LRRC4C: variants seen among roughly 807,000 people sequenced by gnomAD.
LRRC4C encodes the protein leucine rich repeat containing 4C, also known as leucine-rich repeat-containing protein 4C.
A neutral mutation model predicts 33.6 loss-of-function variants in LRRC4C; 5 were observed. That is an observed-to-expected ratio of 0.15 (90% CI 0.08 to 0.31). The LOEUF is 0.31. LRRC4C is among the 10% of genes least tolerant of loss of function. The pLI is 1.00. For synonymous variants in LRRC4C, 329 were observed against 302.0 expected (o/e 1.09, Z -0.93); for missense variants, 560 against 796.7 (o/e 0.70, Z 3.58).
At chr11:41,248,870 C>T (rs1480733504) in intron 1 of LRRC4C, among the ~76,000 whole-genome samples, 1 of 152,166 alleles carries the variant, frequency 6.6e-6, no homozygotes, top group African/African-American at 2.4e-5. Context: ...AATTAACTGG[C>T]AATTCCATCC....
chr11:40,458,594 T>C (rs2138159975), intron 3 of LRRC4C, among the ~76,000 whole-genome samples: 1 of 152,320 alleles, frequency 6.6e-6, no homozygotes, highest in Middle Eastern at 3.4e-3. Flanking sequence ...TCCTAAGTCT[T>C]TGGTTTTCCC....
At chr11:41,012,583 TC>T (rs1855286251) in intron 1 of LRRC4C, among the ~76,000 whole-genome samples, 1 of 152,178 alleles carries the variant, frequency 6.6e-6, no homozygotes, top group Admixed American at 6.5e-5. Flanking sequence ...ATATTTCCTT[TC>T]TTTTGAATAT....
At chr11:40,785,514 C>G (rs1474191820) in intron 2 of LRRC4C, among the ~76,000 whole-genome samples, 1 of 152,070 alleles carries the variant, frequency 6.6e-6, no homozygotes, top group Non-Finnish European at 1.5e-5. Flanking sequence ...CCCATTTCCT[C>G]TTTTTATAAT....
chr11:40,462,003 T>C (rs564070841), intron 3 of LRRC4C, among the ~76,000 whole-genome samples: 45 of 151,988 alleles, frequency 3.0e-4, no homozygotes, highest in Admixed American at 2.5e-3. Flanking sequence ...GTCCATTTGT[T>C]AGAGTGGATA....
chr11:40,166,423 C>T (rs1449795509), intron 5 of LRRC4C, among the ~76,000 whole-genome samples: 1 of 152,090 alleles, frequency 6.6e-6, no homozygotes, highest in Non-Finnish European at 1.5e-5. Flanking sequence ...TCTTTGATGT[C>T]AGGATAGTAG....
At chr11:40,514,391 C>G (rs1955474401) in intron 3 of LRRC4C, among the ~76,000 whole-genome samples, 1 of 152,108 alleles carries the variant, frequency 6.6e-6, no homozygotes, top group Non-Finnish European at 1.5e-5. Flanking sequence ...TTTATTAGCT[C>G]TATGGCCTTG....
Position 40,606,842 on chromosome 11 carries a change from C to T in LRRC4C, c.-270+41300G>A, listed in dbSNP as rs1029989063. 2.0e-5 allele frequency among the ~76,000 whole-genome samples: 3 copies of T among 151,916 alleles called. No homozygotes were observed. In the South Asian group the frequency reaches 6.2e-4, roughly 32 times the overall value. ...CAAAGATGAGAAAGAAAATAAACAT[C>T]CAGATTCATAAAGTGCAATAGATTC... On this transcript the variant is annotated intron_variant, in intron 3 of 6. Coordinates refer to ENST00000528697, the MANE Select transcript of LRRC4C (RefSeq NM_001258419.2).
chr11:40,360,310 AG>A (rs1947888996), intron 3 of LRRC4C, among the ~76,000 whole-genome samples: 1 of 152,174 alleles, frequency 6.6e-6, no homozygotes, highest in Non-Finnish European at 1.5e-5. Flanking sequence ...AATATCAGAG[AG>A]GGGCAAGTAG....
chr11:40,838,166 A>G (rs899487599), intron 2 of LRRC4C, among the ~76,000 whole-genome samples: 45 of 152,164 alleles, frequency 3.0e-4, no homozygotes, highest in African/African-American at 9.7e-4. Context: ...TTAACATTTG[A>G]AACTTTCTCA....
At chr11:40,368,183 A>C (rs1948297179) in intron 3 of LRRC4C, among the ~76,000 whole-genome samples, 1 of 152,308 alleles carries the variant, frequency 6.6e-6, no homozygotes, top group South Asian at 2.1e-4. Flanking sequence ...AAATCATACT[A>C]AAGAGAAATG....
intron 1 of LRRC4C, among the ~76,000 whole-genome samples, chr11:41,285,811 GTATTTTATTTTATT>G (rs911271903): frequency 1.2e-4 from 18 of 151,948 alleles, no homozygotes; most frequent in Middle Eastern, 6.8e-3. Flanking sequence ...TTATTTTATT[GTATTTTATTTTATT>G]TATTTTATTT....
rs2137163989 is a variant in LRRC4C at position 40,985,652 on chromosome 11, C to T, written c.-495-51929G>A. Among the ~76,000 whole-genome samples, 2 of 6,778 alleles carry T rather than the reference C, an allele frequency of 3.0e-4. 1 individual carries two copies. Among genetic ancestry groups the T allele is most frequent in the African/African-American group, 3.1e-4 (2 of 6,438 alleles). 4.4% of individuals were successfully genotyped at this position (6,778 alleles called of 152,430 possible). On this transcript the variant is annotated intron_variant, in intron 1 of 6. Coordinates refer to ENST00000528697, the MANE Select transcript of LRRC4C (RefSeq NM_001258419.2). ...GACTACAGGCGCCCGCCACCGCGCC[C>T]GGCTAATTTTTTGTATTTTTAGTAG... is the stretch of plus-strand genomic sequence containing the variant.
chr11:41,240,506 G>A (rs1009827991), intron 1 of LRRC4C, among the ~76,000 whole-genome samples: 1 of 152,128 alleles, frequency 6.6e-6, no homozygotes, highest in Non-Finnish European at 1.5e-5. Context: ...ATTATATAAT[G>A]GGATACTGTT....
chr11:41,070,712 G>A (rs1407045694), intron 1 of LRRC4C, among the ~76,000 whole-genome samples: 1 of 152,108 alleles, frequency 6.6e-6, no homozygotes, highest in Admixed American at 6.6e-5. Context: ...AAACCATAAT[G>A]AGATAACATT....
At chr11:40,947,110 G>A (rs1958439469) in intron 1 of LRRC4C, among the ~76,000 whole-genome samples, 1 of 151,918 alleles carries the variant, frequency 6.6e-6, no homozygotes, top group Admixed American at 6.6e-5. Context: ...AATAACCTTT[G>A]GAAATACAGG....
At chr11:40,908,249 C>A (rs969475048) in intron 2 of LRRC4C, among the ~76,000 whole-genome samples, 1 of 152,074 alleles carries the variant, frequency 6.6e-6, no homozygotes, top group Non-Finnish European at 1.5e-5. Context: ...AAGAGACCAA[C>A]ACCTGTGATA....
chr11:41,114,438 T>C (rs1287757768), intron 1 of LRRC4C, among the ~76,000 whole-genome samples: 3 of 152,026 alleles, frequency 2.0e-5, no homozygotes, highest in Non-Finnish European at 4.4e-5. Flanking sequence ...AAGATTTGTT[T>C]CAAAGGATGT....
chr11:40,977,252 G>A (rs191863222), intron 1 of LRRC4C, among the ~76,000 whole-genome samples: 79 of 152,154 alleles, frequency 5.2e-4, no homozygotes, highest in Middle Eastern at 3.4e-3. Flanking sequence ...CCTCCTATGC[G>A]GCCTGGTTCC....
At chr11:41,149,298 G>A (rs1404086815) in intron 1 of LRRC4C, among the ~76,000 whole-genome samples, 3 of 152,154 alleles carry the variant, frequency 2.0e-5, no homozygotes, top group East Asian at 1.9e-4. Context: ...GAGGTCAGGA[G>A]ATCGAGACCA....
Sources: allele counts gnomAD v4.1 joint callset (sites outside exome capture counted in the v4.1 genomes callset), GRCh38; gene constraint gnomAD v4.1.1; transcripts MANE v1.5; gene names NCBI Gene and HGNC (gene_info 2026-07-23, HGNC 2026-07-21).